ATP2C2: variants seen among roughly 807,000 people sequenced by gnomAD.
ATP2C2 encodes the protein ATPase secretory pathway Ca2+ transporting 2.
A neutral mutation model predicts 110.8 loss-of-function variants in ATP2C2; 171 were observed. The observed-to-expected ratio is 1.54, with a 90% CI of 1.36 to 1.75. The LOEUF (loss-of-function observed/expected upper bound fraction) is 1.75, where lower values mean the gene tolerates loss of function less well. ATP2C2 is among the 40% of genes most tolerant of loss of function. The pLI, the probability that ATP2C2 is intolerant of heterozygous loss-of-function variation, is 0.00. For synonymous variants in ATP2C2, 804 were observed against 508.4 expected (o/e 1.58, Z -7.82); for missense variants, 1,963 against 1,235.0 (o/e 1.59, Z -8.84).
chr16:84,433,394 A>G (rs1672760723), intron 11 of ATP2C2, among the ~76,000 whole-genome samples: 1 of 139,714 alleles, frequency 7.2e-6, no homozygotes, highest in Admixed American at 7.1e-5. Flanking sequence ...AAAAACAAAA[A>G]CAAAAGAAAA....
At position 84,443,425 on chromosome 16, in the gene ATP2C2, G is replaced by C. The variant is rs545574579; in HGVS notation, c.1401+826G>C. 2.6e-4 allele frequency among the ~76,000 whole-genome samples: 39 copies of C among 152,262 alleles called. No individual in the cohort carries two copies. In the South Asian group the frequency reaches 6.8e-3, roughly 27 times the overall value. On this transcript the variant is annotated intron_variant, in intron 15 of 26. Coordinates refer to ENST00000262429, the MANE Select transcript of ATP2C2 (RefSeq NM_014861.4). The stretch of plus-strand genomic sequence containing the variant: ...TGTGTGACTTGTCTCTGACTCGGGT[G>C]TGATCAGAACCCTCTCCATCAAGGT...
intron 21 of ATP2C2, among the ~76,000 whole-genome samples, chr16:84,458,279 G>T (rs1186749262): frequency 9.7e-6 from 1 of 103,360 alleles, no homozygotes; most frequent in African/African-American, 3.8e-5. Context: ...TCACTCATAG[G>T]TGGGAATTGA....
At chr16:84,387,472 A>G (rs1278704838) in intron 1 of ATP2C2, among the ~76,000 whole-genome samples, 1 of 152,166 alleles carries the variant, frequency 6.6e-6, no homozygotes, top group Non-Finnish European at 1.5e-5. Context: ...AGATTGCGCC[A>G]TTGCACTCCA....
intron 25 of ATP2C2, 29 bp from the exon 26 acceptor site, chr16:84,461,959 C>G (rs771669135): frequency 6.2e-7 from 1 of 1,610,416 alleles, no homozygotes; most frequent in East Asian, 2.2e-5. Flanking sequence ...GGACAGCACA[C>G]AATCCCCCGT....
Position 84,435,198 on chromosome 16 carries a change from A to C in ATP2C2, c.987-3968A>C, listed in dbSNP as rs76037804. ...GATTGTGAGATGTACATTCTTTTTC[A>C]CATTTCAACTCCTCTGAAATCAGAT... is the stretch of plus-strand genomic sequence containing the variant. On this transcript the variant is annotated intron_variant, in intron 11 of 26. Coordinates refer to ENST00000262429, the MANE Select transcript of ATP2C2 (RefSeq NM_014861.4). 5.5e-3 allele frequency among the ~76,000 whole-genome samples: 845 copies of C among 152,314 alleles called. 30 individuals are homozygous for C. Among genetic ancestry groups the C allele is most frequent in the Admixed American group, 0.043 (663 of 15,308 alleles).
chr16:84,433,462 G>A (rs1908459959), intron 11 of ATP2C2, among the ~76,000 whole-genome samples: 1 of 151,978 alleles, frequency 6.6e-6, no homozygotes, highest in African/African-American at 2.4e-5. Context: ...AGACCAGCCT[G>A]GCCAAAACAG....
chr16:84,420,108 C>G (rs1012700619), intron 7 of ATP2C2, among the ~76,000 whole-genome samples: 2 of 152,154 alleles, frequency 1.3e-5, no homozygotes, highest in Non-Finnish European at 1.5e-5. Context: ...TCCCGGAGGT[C>G]TCTGCTCCCT....
chr16:84,395,790 G>C (rs116181751), intron 1 of ATP2C2, among the ~76,000 whole-genome samples: 3 of 152,114 alleles, frequency 2.0e-5, no homozygotes, highest in Non-Finnish European at 4.4e-5. Flanking sequence ...ATGAGCCACT[G>C]TGTCTGGCCC....
At position 84,425,809 on chromosome 16, in the gene ATP2C2, T is replaced by C; in HGVS notation, c.986+8T>C. ...GTTCACGATCGGGGTCAGGTAAGAG[T>C]GCTATGGCCGCCCCTTGCCTTGCCA... On this transcript the variant is annotated splice_region_variant and intron_variant, in intron 11 of 26. Coordinates refer to ENST00000262429, the MANE Select transcript of ATP2C2 (RefSeq NM_014861.4). The C allele has an allele frequency of 1.9e-6, 3 of 1,613,824 alleles. No homozygotes were observed. The highest frequency in any genetic ancestry group is 2.5e-6 in the Non-Finnish European group (3 of 1,179,928).
At chr16:84,458,722 G>A (rs1036349397) in intron 21 of ATP2C2, among the ~76,000 whole-genome samples, 27 of 152,140 alleles carry the variant, frequency 1.8e-4, no homozygotes, top group Non-Finnish European at 3.4e-4. Flanking sequence ...ACCGTCCTCC[G>A]GACCTCATTT....
At chr16:84,392,668 G>C (rs1904731540) in intron 1 of ATP2C2, among the ~76,000 whole-genome samples, 1 of 152,172 alleles carries the variant, frequency 6.6e-6, no homozygotes, top group Non-Finnish European at 1.5e-5. Flanking sequence ...TCACCATGTT[G>C]ACAAGGCTGG....
At chr16:84,371,701 T>A (rs555311249) in intron 1 of ATP2C2, among the ~76,000 whole-genome samples, 5 of 152,262 alleles carry the variant, frequency 3.3e-5, no homozygotes, top group South Asian at 4.2e-4. Flanking sequence ...GTGAGGCAGG[T>A]ATAGCCCCAG....
intron 3 of ATP2C2, chr16:84,406,595 A>C: frequency 6.1e-6 from 6 of 985,502 alleles, no homozygotes; most frequent in Non-Finnish European, 7.2e-6. Flanking sequence ...CTCAGTTCTC[A>C]GTGTTCTGGG....
At chr16:84,397,152 C>T (rs770293563) in intron 1 of ATP2C2, among the ~76,000 whole-genome samples, 6 of 151,772 alleles carry the variant, frequency 4.0e-5, no homozygotes, top group Admixed American at 2.0e-4. Flanking sequence ...CACACTTTTC[C>T]GCTTCTGAGG....
intron 7 of ATP2C2, among the ~76,000 whole-genome samples, chr16:84,416,011 T>TA (rs1461578131): frequency 6.6e-6 from 1 of 152,122 alleles, no homozygotes; most frequent in Non-Finnish European, 1.5e-5. Flanking sequence ...AACTCTCTAC[T>TA]AAAAATACAA....
intron 1 of ATP2C2, among the ~76,000 whole-genome samples, chr16:84,391,113 C>CAAAAAAAAA (rs567509863): frequency 1.9e-4 from 14 of 73,244 alleles, no homozygotes; most frequent in South Asian, 6.0e-4. Flanking sequence ...GACTCAGACT[C>CAAAAAAAAA]AAAAAAAAAA....
intron 10 of ATP2C2, 138 bp from the exon 11 acceptor site, chr16:84,425,597 T>C (rs1907738634): frequency 1.1e-6 from 1 of 918,080 alleles, no homozygotes; most frequent in African/African-American, 1.6e-5. Context: ...AAGAGACGGG[T>C]TGAAAGTGGT....
At chr16:84,443,249 G>C (rs568952672) in intron 15 of ATP2C2, among the ~76,000 whole-genome samples, 2 of 152,196 alleles carry the variant, frequency 1.3e-5, no homozygotes, top group East Asian at 3.8e-4. Flanking sequence ...AGGTTAAGAG[G>C]AGGGAGCAAA....
intron 15 of ATP2C2, among the ~76,000 whole-genome samples, chr16:84,446,017 T>A (rs1909716297): frequency 1.3e-5 from 2 of 152,196 alleles, no homozygotes; most frequent in Non-Finnish European, 2.9e-5. Context: ...GGGTTCCGTC[T>A]GAGAAATTGC....
Sources: gnomAD v4.1 joint callset for allele counts (sites outside exome capture counted in the v4.1 genomes callset) on GRCh38, gnomAD v4.1.1 for gene constraint, MANE v1.5 for transcripts, NCBI Gene and HGNC (gene_info 2026-07-23, HGNC 2026-07-21) for gene names.